CELF2: variants seen among roughly 807,000 people sequenced by gnomAD.
CELF2 encodes the protein CUG triplet repeat RNA-binding protein 2.
In CELF2, 8 loss-of-function variants were observed where a neutral mutation model predicts 62.6. The ratio of observed to expected loss-of-function variants is 0.13; its 90% CI spans 0.07 to 0.23. CELF2 has a LOEUF of 0.23. CELF2 is among the 10% of genes least tolerant of loss of function. The probability of loss-of-function intolerance (pLI) is 1.00; values close to 1 mark genes in which losing one functional copy is unlikely to be tolerated. For synonymous variants in CELF2, 258 were observed against 250.0 expected (o/e 1.03, Z -0.30); for missense variants, 333 against 671.0 (o/e 0.50, Z 5.56).
At chr10:10,711,428 A>T in the CELF2 span, among the ~76,000 whole-genome samples, 1 of 152,304 alleles carries the variant, frequency 6.6e-6, no homozygotes, top group South Asian at 2.1e-4. Context: ...TCTGAGTCAC[A>T]AGGATACTGG....
chr10:10,589,397 A>T, the CELF2 span, among the ~76,000 whole-genome samples: 16 of 152,308 alleles, frequency 1.1e-4, no homozygotes, highest in African/African-American at 3.6e-4. Context: ...TGTTAATGGT[A>T]ATAAGGCTTA....
At chr10:10,462,615 C>CTTTTTTTTTTTTTT in the CELF2 span, among the ~76,000 whole-genome samples, 7 of 69,414 alleles carry the variant, frequency 1.0e-4, no homozygotes, top group East Asian at 5.2e-4. Flanking sequence ...TTTTTTTCAT[C>CTTTTTTTTTTTTTT]TTTTTTTTTT....
chr10:10,548,089 G>A, the CELF2 span, among the ~76,000 whole-genome samples: 23 of 152,162 alleles, frequency 1.5e-4, no homozygotes, highest in Non-Finnish European at 2.6e-4. Context: ...TGAATTATCA[G>A]CCAGGGGCCA....
At chr10:11,040,187 T>C (rs2061587079) in intron 1 of CELF2, among the ~76,000 whole-genome samples, 1 of 152,198 alleles carries the variant, frequency 6.6e-6, no homozygotes, top group Admixed American at 6.5e-5. Flanking sequence ...TGGCATTTCA[T>C]TTATGTATCT....
rs2092407504 is a variant in CELF2 at position 11,290,765 on chromosome 10, GGT to G, written c.976+2216_976+2217del. On this transcript the variant is annotated intron_variant, in intron 9 of 12. Transcript: ENST00000633077. This position sits in a 1 kb window ranked among gnomAD's most constrained non-coding sequence, Gnocchi z 4.3. ...CCCTTCAGAACACGCCGCTCGCTTA[GGT>G]GTCACTGAGAGCGATTTTTCTCTTC... Among the ~76,000 whole-genome samples the G allele has an allele frequency of 6.6e-6, 1 of 152,138 alleles. No individual in the cohort carries two copies. Among genetic ancestry groups the G allele is most frequent in the African/African-American group, 2.4e-5 (1 of 41,428 alleles).
chr10:10,828,000 T>TAAAAAAA (rs66721705), intron 1 of CELF2, among the ~76,000 whole-genome samples: 50 of 60,694 alleles, frequency 8.2e-4, no homozygotes, highest in East Asian at 2.1e-3. Context: ...AGGCTAGTCT[T>TAAAAAAA]AAAAAAAAAA....
At chr10:11,002,315 C>A (rs1246391788), upstream of CELF2, among the ~76,000 whole-genome samples, 2 of 152,206 alleles carry the variant, frequency 1.3e-5, no homozygotes, top group Admixed American at 1.3e-4. The surrounding 1 kb of genome is among the most constrained non-coding windows in gnomAD (Gnocchi z 4.4). Context: ...GTCCCTCCTA[C>A]AACACGTGGG....
intron 9 of CELF2, among the ~76,000 whole-genome samples, chr10:11,303,854 C>T (rs1191837051): frequency 6.6e-6 from 1 of 152,210 alleles, no homozygotes; most frequent in African/African-American, 2.4e-5. Flanking sequence ...TCTGGCTCTG[C>T]CACTGAGAGT....
chr10:10,733,723 C>T, the CELF2 span, among the ~76,000 whole-genome samples: 1 of 152,152 alleles, frequency 6.6e-6, no homozygotes, highest in African/African-American at 2.4e-5. Context: ...ACCATCAGAT[C>T]TTGTGAGACT....
intron 9 of CELF2, among the ~76,000 whole-genome samples, chr10:11,307,078 T>C (rs1249340935): frequency 6.6e-6 from 1 of 152,224 alleles, no homozygotes. Context: ...GAGCAGTGTG[T>C]GGCATCAACA....
intron 1 of CELF2, among the ~76,000 whole-genome samples, chr10:10,906,717 C>CTTTTT (rs397846553): frequency 1.6e-3 from 178 of 109,256 alleles, no homozygotes; most frequent in East Asian, 2.4e-3. Flanking sequence ...TTTTTCTTTT[C>CTTTTT]TTTTTTTTTT....
chr10:10,627,318 T>C, the CELF2 span, among the ~76,000 whole-genome samples: 1 of 152,208 alleles, frequency 6.6e-6, no homozygotes, highest in African/African-American at 2.4e-5. Flanking sequence ...TTAAGGTGGC[T>C]ATGTTTCAAT....
chr10:11,154,105 T>C (rs914875342), intron 1 of CELF2, among the ~76,000 whole-genome samples: 3 of 152,212 alleles, frequency 2.0e-5, no homozygotes, highest in African/African-American at 7.2e-5. Flanking sequence ...AAAAATCAAC[T>C]ATGGGGAGTT....
chr10:10,731,385 T>C, the CELF2 span, among the ~76,000 whole-genome samples: 8 of 152,198 alleles, frequency 5.3e-5, no homozygotes, highest in Admixed American at 2.6e-4. Context: ...TTTCTTGAAT[T>C]TCCATGTCTA....
At chr10:10,540,906 A>AG in the CELF2 span, among the ~76,000 whole-genome samples, 1 of 152,104 alleles carries the variant, frequency 6.6e-6, no homozygotes, top group Non-Finnish European at 1.5e-5. Context: ...CCACGTACAC[A>AG]GGGTGCAGTG....
intron 1 of CELF2, among the ~76,000 whole-genome samples, chr10:10,826,337 G>A (rs371783040): frequency 2.4e-4 from 36 of 152,228 alleles, no homozygotes; most frequent in African/African-American, 4.1e-4. Flanking sequence ...TCAAATTCAC[G>A]TATACCACTG....
At chr10:11,301,438 C>A (rs1591051679) in intron 9 of CELF2, among the ~76,000 whole-genome samples, 1 of 72,798 alleles carries the variant, frequency 1.4e-5, no homozygotes, top group Non-Finnish European at 2.8e-5. Flanking sequence ...CCACCGCCCC[C>A]CCGCCACTCC....
chr10:10,890,366 G>A (rs796773249), intron 1 of CELF2, among the ~76,000 whole-genome samples: 13 of 152,194 alleles, frequency 8.5e-5, no homozygotes, highest in South Asian at 4.1e-4. Context: ...TGCATGCCCC[G>A]CCCCTCACCA....
At chr10:10,742,210 A>T in the CELF2 span, among the ~76,000 whole-genome samples, 3 of 146,340 alleles carry the variant, frequency 2.1e-5, no homozygotes, top group Admixed American at 1.4e-4. Flanking sequence ...TGAGAAAAAA[A>T]TTTTGGTTTT....
Sources: gnomAD v4.1 joint callset for allele counts (sites outside exome capture counted in the v4.1 genomes callset) on GRCh38, gnomAD v4.1.1 for gene constraint, Gnocchi (gnomAD v3.1) non-coding constraint, MANE v1.5 for transcripts, NCBI Gene and HGNC (gene_info 2026-07-23, HGNC 2026-07-21) for gene names.